OTOG: variants seen among roughly 807,000 people sequenced by gnomAD.
OTOG encodes otogelin.
In OTOG, 296 loss-of-function variants were observed where a neutral mutation model predicts 313.8. That is an observed-to-expected ratio of 0.94 (90% CI 0.86 to 1.04). The LOEUF is 1.04. Ranked by LOEUF, OTOG falls within the 50% of genes least tolerant of loss-of-function variation. OTOG has a pLI of 0.00. For synonymous variants in OTOG, 1,533 were observed against 1,554.9 expected, an observed-to-expected ratio of 0.99 and a Z score of 0.33; for missense variants, 3,948 against 3,840.1, an observed-to-expected ratio of 1.03 and a Z score of -0.74.
chr11:17,642,024 C>T (rs1026759083), intron 52 of OTOG, 73 bp downstream of exon 52: 1 of 1,526,510 alleles, frequency 6.6e-7, no homozygotes, highest in Non-Finnish European at 8.8e-7. Context: ...CCCTCTCTGG[C>T]TTGCAGGCCA....
At position 17,548,193 on chromosome 11, in the gene OTOG, C is replaced by G; in HGVS notation, c.197C>G (p.Ala66Gly). 1 of 1,547,768 alleles carries G rather than the reference C, an allele frequency of 6.5e-7. No homozygotes were observed. Among genetic ancestry groups the G allele is most frequent in the Non-Finnish European group, 8.7e-7 (1 of 1,145,426 alleles). ...QEATLAMGDKATVVGGQQAEA... is the reference protein window; with the variant it reads ...QEATLAMGDKGTVVGGQQAEA... ...GCGACCCTTGCCATGGGGGACAAGG[C>G]TACAGTCGTGGGAGGCCAGGTAAGG... Residue 66 changes from alanine to glycine, a missense_variant, in exon 3 of 56, where the codon GCT (alanine) becomes GGT (glycine). By Grantham distance (60) the Ala-to-Gly change is moderately conservative (BLOSUM62 0). Transcript: ENST00000399397.
rs1324904887 is a variant in OTOG, at chr11:17,553,192, T to C, written c.366T>C (p.Thr122=). The C allele has an allele frequency of 4.5e-6, 7 of 1,550,370 alleles. No individual in the cohort carries two copies. In the South Asian group the frequency reaches 8.3e-5, roughly 18 times the overall value. ...GTGACTGCAGACGCTTCAATGCCACTGGACCGCGCTGCCAGATGGGTGGGT... is the reference window on the plus strand; with the variant it reads ...GTGACTGCAGACGCTTCAATGCCACCGGACCGCGCTGCCAGATGGGTGGGT... ...AFCDCRRFNA[T]GPRCQMVYNA... is the part of the protein sequence containing the mutation. The change falls in exon 5 of 56, where the codon ACT becomes ACC. Residue 122 remains threonine, a synonymous_variant. Transcript: ENST00000399397.
chr11:17,558,373 T>C (rs1852101098), intron 9 of OTOG, 58 bp downstream of exon 9: 1 of 1,541,034 alleles, frequency 6.5e-7, no homozygotes, highest in Non-Finnish European at 8.8e-7. Context: ...ATCCAACTCT[T>C]CGAAAGCCAC....
chr11:17,644,136 G>C (rs928255869), intron 54 of OTOG, among the ~76,000 whole-genome samples: 1 of 152,264 alleles, frequency 6.6e-6, no homozygotes, highest in Non-Finnish European at 1.5e-5. Flanking sequence ...GTGCATGCTG[G>C]GTAGTGAGCT....
chr11:17,620,139 G>A (rs2134109447), intron 39 of OTOG, among the ~76,000 whole-genome samples: 1 of 152,154 alleles, frequency 6.6e-6, no homozygotes, highest in Middle Eastern at 3.4e-3. Context: ...CAATTCAATG[G>A]CATTTAGTAC....
intron 4 of OTOG, among the ~76,000 whole-genome samples, chr11:17,552,614 C>CCCCACCTGTCCTGTG (rs1851967032): frequency 1.3e-5 from 2 of 151,806 alleles, no homozygotes; most frequent in African/African-American, 4.8e-5. Flanking sequence ...CCCACCTGTC[C>CCCCACCTGTCCTGTG]TCTCACATCA....
intron 23 of OTOG, among the ~76,000 whole-genome samples, chr11:17,582,270 T>C (rs947187489): frequency 1.3e-5 from 2 of 152,196 alleles, no homozygotes; most frequent in Admixed American, 6.5e-5. Context: ...GTTATTCCTG[T>C]TCTAGAACTT....
chr11:17,619,893 G>T (rs1021469465), intron 39 of OTOG, among the ~76,000 whole-genome samples: 1 of 151,826 alleles, frequency 6.6e-6, no homozygotes, highest in South Asian at 2.1e-4. Flanking sequence ...TTTTTCTTCT[G>T]CTCGAAAGAC....
intron 14 of OTOG, 51 bp downstream of exon 14, chr11:17,561,188 G>T: frequency 6.5e-7 from 1 of 1,545,390 alleles, no homozygotes; most frequent in South Asian, 1.2e-5. Flanking sequence ...AGTCTGATAG[G>T]TTTTGGGGCA....
At chr11:17,567,603 CA>C (rs1420249298) in intron 15 of OTOG, among the ~76,000 whole-genome samples, 1 of 152,204 alleles carries the variant, frequency 6.6e-6, no homozygotes, top group East Asian at 1.9e-4. Context: ...CCTCAGCTGC[CA>C]AAGGACTGGA....
chr11:17,580,377 G>T (rs1402787630), intron 23 of OTOG, among the ~76,000 whole-genome samples: 1 of 152,246 alleles, frequency 6.6e-6, no homozygotes, highest in Non-Finnish European at 1.5e-5. Context: ...TATGTGAGCA[G>T]ATAGCATTGT....
At position 17,642,155 on chromosome 11, in the gene OTOG, C is replaced by G. The variant is rs778559367; in HGVS notation, c.8324C>G (p.Ala2775Gly). Residue 2775 changes from alanine to glycine, a missense_variant, in exon 53 of 56, where the codon GCC becomes GGC. Physicochemically the swap from Ala to Gly is moderately conservative, Grantham distance 60 (BLOSUM62 0). Coordinates refer to ENST00000399397, the MANE Select transcript of OTOG (RefSeq NM_001292063.2). ...GGGGCATCCTGGATCGCAGACTGCG[C>G]CCGCCACCACTGCAGCAGCACGCCC... ...LPGASWIADC[A>G]RHHCSSTPLG... The G allele has an allele frequency of 6.5e-7, 1 of 1,549,474 alleles. No individual in the cohort carries two copies. The highest frequency in any genetic ancestry group is 1.2e-5 in the South Asian group (1 of 83,914).
chr11:17,566,913 C>G (rs1852303860), intron 15 of OTOG, among the ~76,000 whole-genome samples: 1 of 152,154 alleles, frequency 6.6e-6, no homozygotes, highest in South Asian at 2.1e-4. Context: ...GGATCCCCTC[C>G]TACGTGATTT....
At chr11:17,555,982 C>G (rs1044744065) in intron 7 of OTOG, 85 bp downstream of exon 7, 23 of 1,085,992 alleles carry the variant, frequency 2.1e-5, no homozygotes, top group Middle Eastern at 4.0e-4. Context: ...TTCTCAAGCC[C>G]AAAGGAAATT....
chr11:17,619,596 T>C (rs564460899), intron 39 of OTOG, among the ~76,000 whole-genome samples: 2 of 152,302 alleles, frequency 1.3e-5, no homozygotes, highest in East Asian at 3.9e-4. Flanking sequence ...CAGTATGTAA[T>C]TTTACTTTGT....
intron 51 of OTOG, among the ~76,000 whole-genome samples, chr11:17,641,610 T>A (rs1847972523): frequency 6.6e-6 from 1 of 152,164 alleles, no homozygotes; most frequent in African/African-American, 2.4e-5. Context: ...AAAACTGGCA[T>A]CCTTACTTAG....
Position 17,609,945 on chromosome 11 carries a change from C to T in OTOG, c.4645C>T (p.Pro1549Ser). ...SQLPAGPTES[P>S]ASKGVTASLL... ...ACTCCCCGCCGGCCCCACGGAGTCC[C>T]CAGCCAGCAAGGGAGTGACTGCCAG... The change falls in exon 36 of 56, where the codon CCA becomes TCA. Residue 1549 changes from proline (P) to serine (S), a missense_variant. Pro to Ser is a moderately conservative substitution (Grantham distance 74). Transcript: ENST00000399397. 1 of 1,540,136 alleles carries T rather than the reference C, an allele frequency of 6.5e-7. No individual in the cohort carries two copies. The highest frequency in any genetic ancestry group is 1.2e-5 in the South Asian group (1 of 82,222).
chr11:17,572,138 C>T lies in OTOG; in HGVS notation c.2014C>T (p.Leu672Phe), dbSNP rs1375585240. ...PQLFGNSWKT[L>F]SACSPLVSGS... ...ACTTTTTGGCAATTCCTGGAAAACA[C>T]TTTCTGCTTGCTCCCCGCTGGTCTC... The change falls in exon 18 of 56, where the codon CTT (leucine) becomes TTT (phenylalanine). Residue 672 changes from leucine to phenylalanine, a missense_variant. Physicochemically the swap from Leu to Phe is conservative, Grantham distance 22 (BLOSUM62 0). Transcript: ENST00000399397. The T allele has an allele frequency of 2.6e-6, 4 of 1,550,408 alleles. No individual in the cohort carries two copies. The Admixed American group carries it at 7.8e-5, about 30-fold the overall frequency.
At chr11:17,602,671 C>T (rs1158494040) in intron 32 of OTOG, among the ~76,000 whole-genome samples, 1 of 152,106 alleles carries the variant, frequency 6.6e-6, no homozygotes, top group Non-Finnish European at 1.5e-5. Context: ...CCTCCTCATG[C>T]TCCTCCTCCT....
Sources: gnomAD v4.1 joint callset for allele counts (sites outside exome capture counted in the v4.1 genomes callset) on GRCh38, gnomAD v4.1.1 for gene constraint, MANE v1.5 for transcripts, NCBI Gene and HGNC (gene_info 2026-07-23, HGNC 2026-07-21) for gene names.